CSMD1: variants seen among roughly 807,000 people sequenced by gnomAD.
CSMD1 encodes the protein CUB and Sushi multiple domains 1.
A neutral mutation model predicts 417.5 loss-of-function variants in CSMD1; 213 were observed. The observed-to-expected ratio is 0.51, with a 90% CI of 0.46 to 0.57. The LOEUF is 0.57. CSMD1 is among the 20% of genes least tolerant of loss of function. The pLI, the probability that CSMD1 is intolerant of heterozygous loss-of-function variation, is 0.00. For synonymous variants in CSMD1, 2,862 were observed against 1,736.8 expected, an observed-to-expected ratio of 1.65 and a Z score of -16.11; for missense variants, 6,923 against 4,529.7, an observed-to-expected ratio of 1.53 and a Z score of -15.17.
intron 5 of CSMD1, among the ~76,000 whole-genome samples, chr8:3,955,614 G>C (rs1460525641): frequency 1.3e-5 from 2 of 151,948 alleles, no homozygotes; most frequent in African/African-American, 4.8e-5. Flanking sequence ...TTGTAGTATT[G>C]AATATCTCAT....
chr8:4,292,944 G>A (rs1009966575), intron 3 of CSMD1, among the ~76,000 whole-genome samples: 7 of 152,132 alleles, frequency 4.6e-5, no homozygotes, highest in African/African-American at 1.4e-4. Flanking sequence ...AACCAACAAG[G>A]GACCCACAAA....
At chr8:3,780,538 G>A (rs1393413277) in intron 5 of CSMD1, among the ~76,000 whole-genome samples, 1 of 152,168 alleles carries the variant, frequency 6.6e-6, no homozygotes, top group African/African-American at 2.4e-5. Context: ...AATTGGATGG[G>A]TAATGAGCTT....
At chr8:4,829,914 C>A (rs1800052913) in intron 1 of CSMD1, among the ~76,000 whole-genome samples, 1 of 152,020 alleles carries the variant, frequency 6.6e-6, no homozygotes, top group Non-Finnish European at 1.5e-5. Context: ...GCCACCGTTG[C>A]CCTGTTTAGA....
chr8:3,118,662 T>A (rs768871369), intron 41 of CSMD1, 75 bp from the exon 42 acceptor site: 24 of 1,349,166 alleles, frequency 1.8e-5, no homozygotes, highest in Non-Finnish European at 2.3e-5. Flanking sequence ...AGGAGTGTCA[T>A]CACATGTGAC....
intron 2 of CSMD1, among the ~76,000 whole-genome samples, chr8:4,590,195 C>G (rs1430066173): frequency 6.6e-6 from 1 of 151,526 alleles, no homozygotes; most frequent in East Asian, 1.9e-4. Flanking sequence ...TTAGATGAGA[C>G]CAGGATAACT....
At chr8:4,188,007 C>A (rs911003053) in intron 3 of CSMD1, among the ~76,000 whole-genome samples, 1 of 152,006 alleles carries the variant, frequency 6.6e-6, no homozygotes, top group Non-Finnish European at 1.5e-5. Context: ...AAAGCCAATA[C>A]CTTTTTTTAA....
intron 49 of CSMD1, among the ~76,000 whole-genome samples, chr8:3,083,537 T>A (rs996238683): frequency 6.4e-5 from 9 of 141,502 alleles, no homozygotes; most frequent in African/African-American, 2.4e-4. Context: ...GCTTAATCTG[T>A]TATACACAGC....
At chr8:3,876,651 C>A (rs993651169) in intron 5 of CSMD1, among the ~76,000 whole-genome samples, 5 of 152,126 alleles carry the variant, frequency 3.3e-5, no homozygotes, top group Admixed American at 3.3e-4. Context: ...GCTCTGTTGC[C>A]TGGGGTGAAG....
At chr8:3,795,024 T>C (rs1236079324) in intron 5 of CSMD1, among the ~76,000 whole-genome samples, 1 of 151,562 alleles carries the variant, frequency 6.6e-6, no homozygotes, top group East Asian at 1.9e-4. Flanking sequence ...ATCTATCATA[T>C]ATAGCTATAG....
intron 1 of CSMD1, among the ~76,000 whole-genome samples, chr8:4,792,475 T>C (rs1027275391): frequency 6.6e-6 from 1 of 152,192 alleles, no homozygotes; most frequent in Non-Finnish European, 1.5e-5. Flanking sequence ...CTGAATATTC[T>C]TCATTTTCTA....
chr8:3,786,180 G>T (rs1332724505), intron 5 of CSMD1, among the ~76,000 whole-genome samples: 1 of 152,140 alleles, frequency 6.6e-6, no homozygotes, highest in Non-Finnish European at 1.5e-5. Flanking sequence ...GGCCAGATTG[G>T]GACATGAGAT....
intron 5 of CSMD1, among the ~76,000 whole-genome samples, chr8:3,814,773 G>A (rs1470233824): frequency 1.3e-5 from 2 of 152,090 alleles, no homozygotes. Context: ...GGACTATTCT[G>A]CCACGATTTT....
At chr8:3,652,937 C>T (rs1193898845) in intron 7 of CSMD1, among the ~76,000 whole-genome samples, 1 of 152,172 alleles carries the variant, frequency 6.6e-6, no homozygotes, top group Non-Finnish European at 1.5e-5. Flanking sequence ...CCACTAAAGA[C>T]TGAAAGCCCC....
At chr8:4,983,800 CA>C (rs976709162) in intron 1 of CSMD1, among the ~76,000 whole-genome samples, 22 of 150,278 alleles carry the variant, frequency 1.5e-4, no homozygotes, top group African/African-American at 5.5e-4. Flanking sequence ...TAGTAACTGA[CA>C]AAAAAATTAG....
intron 26 of CSMD1, among the ~76,000 whole-genome samples, chr8:3,257,792 G>A (rs1283466950): frequency 6.6e-6 from 1 of 152,138 alleles, no homozygotes; most frequent in Admixed American, 6.5e-5. Flanking sequence ...CAAGGGAGGT[G>A]TGAGGGCGAT....
chr8:4,791,354 G>A (rs572786001), intron 1 of CSMD1, among the ~76,000 whole-genome samples: 1 of 152,112 alleles, frequency 6.6e-6, no homozygotes, highest in Non-Finnish European at 1.5e-5. Flanking sequence ...TCCTTTCTTT[G>A]ACAATGTTTT....
At chr8:3,652,148 C>T (rs1336043719) in intron 7 of CSMD1, among the ~76,000 whole-genome samples, 6 of 150,456 alleles carry the variant, frequency 4.0e-5, no homozygotes, top group African/African-American at 1.5e-4. Context: ...CATCAGAGCG[C>T]TTACCACCAT....
chr8:3,598,967 G>C (rs1312533582), intron 8 of CSMD1, among the ~76,000 whole-genome samples: 1 of 152,130 alleles, frequency 6.6e-6, no homozygotes, highest in Non-Finnish European at 1.5e-5. Context: ...TGTAATCCCA[G>C]CTACTCAGGA....
chr8:3,141,961 C>T (rs1455501702), intron 41 of CSMD1, among the ~76,000 whole-genome samples: 2 of 152,044 alleles, frequency 1.3e-5, no homozygotes, highest in Non-Finnish European at 2.9e-5. Context: ...CTATGCCCAG[C>T]TAATTTTTGG....
Sources: gnomAD v4.1 joint callset for allele counts (sites outside exome capture counted in the v4.1 genomes callset) on GRCh38, gnomAD v4.1.1 for gene constraint, MANE v1.5 for transcripts, NCBI Gene and HGNC (gene_info 2026-07-23, HGNC 2026-07-21) for gene names.